The following ATXN1 variants were observed in gnomAD, a reference collection of about 807,000 sequenced individuals.
The protein encoded by ATXN1 is ataxin 1.
Under a neutral mutation model 56.4 loss-of-function variants are expected in ATXN1, and 8 were observed. The observed-to-expected ratio is 0.14, with a 90% CI of 0.08 to 0.26. The LOEUF is 0.26. Among genes scored for constraint, ATXN1 ranks in the 10% least tolerant of loss-of-function variants. The pLI is 1.00. For missense variants in ATXN1, 987 were observed against 1,106.5 expected (o/e 0.89, Z 1.53); for synonymous variants, 514 against 494.6 (o/e 1.04, Z -0.52).
intron 2 of ATXN1, among the ~76,000 whole-genome samples, chr6:16,680,794 ATTC>A (rs1758797380): frequency 6.6e-6 from 1 of 152,250 alleles, no homozygotes; most frequent in African/African-American, 2.4e-5. Flanking sequence ...AGATCGAAAG[ATTC>A]TTTCTTCCCC....
At chr6:16,512,752 G>A (rs1344763772) in intron 5 of ATXN1, among the ~76,000 whole-genome samples, 1 of 152,172 alleles carries the variant, frequency 6.6e-6, no homozygotes, top group Non-Finnish European at 1.5e-5. Context: ...AAGTGAGGGT[G>A]ACAGCCAATG....
At position 16,299,425 on chromosome 6, in the gene ATXN1, CAG is replaced by C. The variant is rs1211256902; in HGVS notation, c.*6902_*6903del. The C allele has an allele frequency of 6.6e-6, 1 of 152,582 alleles. No homozygotes were observed. Among genetic ancestry groups the C allele is most frequent in the Non-Finnish European group, 1.5e-5 (1 of 68,026 alleles). 9.5% of individuals were successfully genotyped at this position (152,582 alleles called of 1,614,324 possible). A position where few individuals can be genotyped will look rare whatever the true frequency, so the allele number is the denominator to read the frequency against. On this transcript the variant is annotated 3_prime_UTR_variant, in exon 8 of 8. Coordinates refer to ENST00000436367, the MANE Select transcript of ATXN1 (RefSeq NM_001128164.2). Reference sequence around the variant, plus strand: ...AGTACAATATTTTACACTGGAATTACAGAGAGTATGCACGCATATGGAAAAAA... The same window carrying C: ...AGTACAATATTTTACACTGGAATTACAGAGTATGCACGCATATGGAAAAAA...
chr6:16,610,891 C>T (rs1006375441), intron 3 of ATXN1, among the ~76,000 whole-genome samples: 1 of 149,264 alleles, frequency 6.7e-6, no homozygotes, highest in Non-Finnish European at 1.5e-5. Context: ...GTTAGCCAGG[C>T]GTGGGGCTGT....
chr6:16,491,978 A>T (rs1446298498), intron 5 of ATXN1, among the ~76,000 whole-genome samples: 2 of 152,128 alleles, frequency 1.3e-5, no homozygotes, highest in African/African-American at 4.8e-5. Flanking sequence ...CCTTGGTCCT[A>T]CGACCACAAG....
intron 3 of ATXN1, among the ~76,000 whole-genome samples, chr6:16,654,541 TAA>T (rs1212773515): frequency 1.1e-4 from 14 of 122,536 alleles, no homozygotes; most frequent in African/African-American, 2.5e-4. Context: ...GACTCTGCCT[TAA>T]AAAAAAAAAA....
chr6:16,490,390 C>T (rs1760636969), intron 5 of ATXN1, among the ~76,000 whole-genome samples: 1 of 152,200 alleles, frequency 6.6e-6, no homozygotes, highest in Admixed American at 6.5e-5. Flanking sequence ...CTAATACAGT[C>T]CCAAATGGCT....
intron 5 of ATXN1, among the ~76,000 whole-genome samples, chr6:16,503,860 T>TA (rs1259435117): frequency 6.6e-6 from 1 of 152,174 alleles, no homozygotes; most frequent in Non-Finnish European, 1.5e-5. Context: ...TGTACCATCT[T>TA]AAACATTTTT....
At chr6:16,407,909 C>T (rs570029155) in intron 6 of ATXN1, among the ~76,000 whole-genome samples, 29 of 152,310 alleles carry the variant, frequency 1.9e-4, no homozygotes, top group Middle Eastern at 6.8e-3. Context: ...GATAATGGTG[C>T]CATGTGGTAT....
intron 6 of ATXN1, among the ~76,000 whole-genome samples, chr6:16,360,070 A>AAAAAAT (rs1194018019): frequency 6.6e-6 from 1 of 152,338 alleles, no homozygotes; most frequent in Non-Finnish European, 1.5e-5. Context: ...CTATGGACGT[A>AAAAAAT]AAAAATAAAA....
intron 6 of ATXN1, among the ~76,000 whole-genome samples, chr6:16,374,435 T>G (rs1762106320): frequency 6.6e-6 from 1 of 152,228 alleles, no homozygotes; most frequent in Admixed American, 6.5e-5. Flanking sequence ...TTTAACAACC[T>G]ATAAATGCCG....
chr6:16,635,021 C>CA (rs1763570223), intron 3 of ATXN1, among the ~76,000 whole-genome samples: 1 of 152,162 alleles, frequency 6.6e-6, no homozygotes, highest in South Asian at 2.1e-4. Context: ...AGGAGGTGAG[C>CA]AGTAGGCGAA....
At chr6:16,317,136 C>T (rs1760531359) in intron 7 of ATXN1, among the ~76,000 whole-genome samples, 1 of 152,066 alleles carries the variant, frequency 6.6e-6, no homozygotes, top group African/African-American at 2.4e-5. Context: ...GGGTTCCACA[C>T]ATTTTCCAGA....
At chr6:16,316,766 C>CAA (rs112512714) in intron 7 of ATXN1, among the ~76,000 whole-genome samples, 2 of 133,466 alleles carry the variant, frequency 1.5e-5, no homozygotes, top group African/African-American at 5.7e-5. Context: ...AAAAACAAAA[C>CAA]AAAAAAAAAA....
intron 3 of ATXN1, among the ~76,000 whole-genome samples, chr6:16,639,126 C>G (rs1400773427): frequency 6.6e-6 from 1 of 152,130 alleles, no homozygotes; most frequent in East Asian, 1.9e-4. Context: ...GTAGAATGGA[C>G]CAATCAGCAG....
In ATXN1 at chr6:16,299,943, G is replaced by A. The variant is rs898150055; in HGVS notation, c.*6386C>T. 6.5e-6 allele frequency: 1 copy of A among 152,674 alleles called. No homozygotes were observed. Among genetic ancestry groups the A allele is most frequent in the Non-Finnish European group, 1.5e-5 (1 of 68,052 alleles). 9.5% of individuals were successfully genotyped at this position (152,674 alleles called of 1,614,324 possible). ...GGCCAGAAAACTGAAAGAGTAGGTG[G>A]TTCCTGTAAGAACCAGAGAAAACCT... On this transcript the variant is annotated 3_prime_UTR_variant, in exon 8 of 8. Transcript: ENST00000436367.
chr6:16,489,403 T>C (rs2113660076), intron 5 of ATXN1, among the ~76,000 whole-genome samples: 1 of 152,106 alleles, frequency 6.6e-6, no homozygotes, highest in Middle Eastern at 3.4e-3. Context: ...CTCCACAAAC[T>C]CAAAAAAAAT....
At chr6:16,537,019 T>G (rs1404253152) in intron 4 of ATXN1, among the ~76,000 whole-genome samples, 4 of 151,732 alleles carry the variant, frequency 2.6e-5, no homozygotes, top group Non-Finnish European at 4.4e-5. Flanking sequence ...CAACTCTTAC[T>G]TGGCCTTAGG....
chr6:16,644,566 GT>G (rs1763768523), intron 3 of ATXN1, among the ~76,000 whole-genome samples: 2 of 136,550 alleles, frequency 1.5e-5, no homozygotes, highest in African/African-American at 6.6e-5. Context: ...ATTTTATGGT[GT>G]GTGTGTGTGT....
intron 6 of ATXN1, among the ~76,000 whole-genome samples, chr6:16,400,705 A>G (rs762911197): frequency 1.3e-5 from 2 of 152,256 alleles, no homozygotes; most frequent in Non-Finnish European, 2.9e-5. Context: ...TAAAGATATT[A>G]AGATTACCAT....
Sources: gnomAD v4.1 joint callset for allele counts (sites outside exome capture counted in the v4.1 genomes callset) on GRCh38, gnomAD v4.1.1 for gene constraint, MANE v1.5 for transcripts, NCBI Gene and HGNC (gene_info 2026-07-23, HGNC 2026-07-21) for gene names.